PCDHGA1: variants seen among roughly 807,000 people sequenced by gnomAD.
PCDHGA1 encodes the protein protocadherin gamma-A1.
PCDHGA1 carries 32 observed loss-of-function variants against 58.0 expected under a neutral mutation model. That is an observed-to-expected ratio of 0.55 (90% CI 0.42 to 0.74). The LOEUF is 0.74. Among genes scored for constraint, PCDHGA1 ranks in the 30% least tolerant of loss-of-function variants. The probability of loss-of-function intolerance (pLI) is 0.00; values close to 1 mark genes in which losing one functional copy is unlikely to be tolerated. For missense variants in PCDHGA1, 1,205 were observed against 1,182.3 expected (o/e 1.02, Z -0.28); for synonymous variants, 498 against 501.1 (o/e 0.99, Z 0.08).
chr5:141,489,124 A>C lies in PCDHGA1; in HGVS notation c.2422-5683A>C. The C allele has an allele frequency of 3.6e-6, 2 of 556,652 alleles. No individual in the cohort carries two copies. Among genetic ancestry groups the C allele is most frequent in the South Asian group, 3.3e-5 (1 of 30,014 alleles). The allele number at this position is 556,652 out of a possible 1,614,324, so 34.5% of individuals were successfully genotyped here. On this transcript the variant is annotated intron_variant, in intron 1 of 3. Transcript: ENST00000517417. The surrounding 1 kb of genome is among the most constrained non-coding windows in gnomAD (Gnocchi z 4.5). ...GCTGCAAGCAGGCAAACCTCCGAGC[A>C]GTTTTTAAGAGGCTGGAAGGAGACA...
At chr5:141,338,794 T>G (rs1588445055) in intron 1 of PCDHGA1, 2 of 1,334,804 alleles carry the variant, frequency 1.5e-6, no homozygotes, top group South Asian at 2.3e-5. Context: ...CACAAGGGGG[T>G]GGAGGTTTGG....
rs779651957 is a variant in PCDHGA1, at chr5:141,431,167, T to G, written c.2422-63640T>G. 2 of 1,614,118 alleles carry G rather than the reference T, an allele frequency of 1.2e-6. No individual in the cohort carries two copies. Among genetic ancestry groups the G allele is most frequent in the Non-Finnish European group, 1.7e-6 (2 of 1,180,014 alleles). The stretch of plus-strand genomic sequence containing the variant: ...ACAATGCGCCTTACTTTCGTGAAAG[T>G]GAATTAGAAATAAAAATTAGTGAAA... On this transcript the variant is annotated intron_variant, in intron 1 of 3. Transcript: ENST00000517417. The surrounding 1 kb of genome is among the most constrained non-coding windows in gnomAD (Gnocchi z 4.8).
chr5:141,394,127 C>T lies in PCDHGA1; in HGVS notation c.2421+61022C>T, dbSNP rs376102299. 4.0e-5 allele frequency: 64 copies of T among 1,613,960 alleles called. No homozygotes were observed. The African/African-American group carries it at 7.1e-4, about 18-fold the overall frequency. ...CACCTCTGTCCACTGAAACTCAAAT[C>T]GCTCTGCACGTGGCAGACATTAACG... is the stretch of plus-strand genomic sequence containing the variant. On this transcript the variant is annotated intron_variant, in intron 1 of 3. Transcript: ENST00000517417.
In PCDHGA1 at chr5:141,431,827, TC is replaced by T. The variant is rs571306928; in HGVS notation, c.2422-62977del. 1.2e-3 allele frequency: 2,007 copies of T among 1,614,226 alleles called. No individual in the cohort carries two copies. The highest frequency in any genetic ancestry group is 1.5e-3 in the Non-Finnish European group (1,827 of 1,180,024). On this transcript the variant is annotated intron_variant, in intron 1 of 3. Coordinates refer to ENST00000517417, the MANE Select transcript of PCDHGA1 (RefSeq NM_018912.3). This position sits in a 1 kb window ranked among gnomAD's most constrained non-coding sequence, Gnocchi z 4.8. ...TCCTCACCTCTCTCGCCAGCTCGGT[TC>T]CCGAAAACTCTCCCAGAGGGACATT...
At chr5:141,421,473 C>G (rs907282414) in intron 1 of PCDHGA1, 14 of 1,614,112 alleles carry the variant, frequency 8.7e-6, no homozygotes, top group African/African-American at 1.3e-5. Flanking sequence ...ATCCGCGAAG[C>G]GGCAGCTTGA....
At chr5:141,408,818 A>G in intron 1 of PCDHGA1, 1 of 1,613,578 alleles carries the variant, frequency 6.2e-7, no homozygotes, top group South Asian at 1.1e-5. Flanking sequence ...GGAAGAACAG[A>G]GATCTCATAG....
chr5:141,350,416 G>A (rs779298744), intron 1 of PCDHGA1: 37 of 1,606,260 alleles, frequency 2.3e-5, no homozygotes, highest in Non-Finnish European at 2.6e-5. Flanking sequence ...CCAAGGATCT[G>A]GGGCTCAGTG....
intron 1 of PCDHGA1, among the ~76,000 whole-genome samples, chr5:141,337,876 G>A (rs2149719316): frequency 6.6e-6 from 1 of 152,296 alleles, no homozygotes; most frequent in South Asian, 2.1e-4. Context: ...ACAATTTTGA[G>A]TGACTGATTC....
At chr5:141,396,954 C>G (rs2093459266) in intron 1 of PCDHGA1, among the ~76,000 whole-genome samples, 1 of 152,172 alleles carries the variant, frequency 6.6e-6, no homozygotes. Flanking sequence ...GAAAGAAAAT[C>G]CTTACTCTCC....
chr5:141,352,575 C>A, intron 1 of PCDHGA1: 1 of 1,613,904 alleles, frequency 6.2e-7, no homozygotes, highest in South Asian at 1.1e-5. Flanking sequence ...GAAATGGCTC[C>A]CCCTCAGGAT....
intron 1 of PCDHGA1, chr5:141,360,021 C>T: frequency 7.7e-7 from 1 of 1,297,264 alleles, no homozygotes; most frequent in Non-Finnish European, 1.0e-6. Context: ...ACAGAGAAGG[C>T]CAGTATAGAT....
intron 1 of PCDHGA1, chr5:141,478,171 G>A (rs141465380): frequency 7.3e-5 from 118 of 1,613,942 alleles, no homozygotes; most frequent in African/African-American, 1.5e-4. Flanking sequence ...CCCCCCGGGA[G>A]CAGAAAAAAA....
intron 1 of PCDHGA1, chr5:141,340,916 C>G: frequency 6.2e-7 from 1 of 1,613,782 alleles, no homozygotes; most frequent in Non-Finnish European, 8.5e-7. Flanking sequence ...CATCCAGGAC[C>G]ACGGCCAGCC....
At chr5:141,417,068 T>C (rs1433034146) in intron 1 of PCDHGA1, 1 of 152,154 alleles carries the variant, frequency 6.6e-6, no homozygotes, top group African/African-American at 2.4e-5. Context: ...ATTGTAGCTA[T>C]TGTGAGAAAA....
chr5:141,350,534 AT>A (rs1439134548), intron 1 of PCDHGA1: 2 of 1,613,894 alleles, frequency 1.2e-6, no homozygotes, highest in Admixed American at 1.7e-5. Context: ...TCGAGAGAAG[AT>A]TTGCGGAAGG....
chr5:141,445,188 G>A (rs1267342449), intron 1 of PCDHGA1, among the ~76,000 whole-genome samples: 5 of 152,198 alleles, frequency 3.3e-5, no homozygotes, highest in South Asian at 2.1e-4. Flanking sequence ...ATGTTTTTAT[G>A]TATTCTATAT....
chr5:141,371,332 A>C (rs1481476869), intron 1 of PCDHGA1: 3 of 1,613,988 alleles, frequency 1.9e-6, no homozygotes, highest in Admixed American at 1.7e-5. Context: ...GAAGAGAGAG[A>C]TAGCTACACA....
intron 1 of PCDHGA1, among the ~76,000 whole-genome samples, chr5:141,349,087 T>C (rs1030299364): frequency 1.3e-5 from 2 of 152,182 alleles, no homozygotes; most frequent in African/African-American, 4.8e-5. Flanking sequence ...GAGAATGTTT[T>C]TGAGACAGAG....
At chr5:141,339,400 T>G in intron 1 of PCDHGA1, 1 of 1,614,192 alleles carries the variant, frequency 6.2e-7, no homozygotes, top group Non-Finnish European at 8.5e-7. Context: ...TAAAAATCAG[T>G]GAAACCACTA....
Sources: allele counts gnomAD v4.1 joint callset (sites outside exome capture counted in the v4.1 genomes callset), GRCh38; gene constraint gnomAD v4.1.1; non-coding constraint Gnocchi (gnomAD v3.1); transcripts MANE v1.5; gene names NCBI Gene and HGNC (gene_info 2026-07-23, HGNC 2026-07-21).